The following SOX6 variants were observed in gnomAD, a reference collection of about 807,000 sequenced individuals.
SOX6 encodes the protein transcription factor SOX-6.
SOX6 carries 11 observed loss-of-function variants against 97.8 expected under a neutral mutation model. The ratio of observed to expected loss-of-function variants is 0.11; its 90% CI spans 0.07 to 0.19. The LOEUF (loss-of-function observed/expected upper bound fraction) is 0.19, where lower values mean the gene tolerates loss of function less well. Among genes scored for constraint, SOX6 ranks in the 10% least tolerant of loss-of-function variants. The pLI is 1.00. For missense variants in SOX6, 810 were observed against 1,039.5 expected (o/e 0.78, Z 3.04); for synonymous variants, 360 against 371.4 (o/e 0.97, Z 0.35).
At chr11:16,472,665 G>C (rs1860159057) in intron 1 of SOX6, among the ~76,000 whole-genome samples, 1 of 151,890 alleles carries the variant, frequency 6.6e-6, no homozygotes, top group East Asian at 1.9e-4. Flanking sequence ...TATTAAACAT[G>C]AACATCTATT....
chr11:16,536,966 C>T lies in SOX6; in HGVS notation n.610-60578G>A, dbSNP rs564201623. Among the ~76,000 whole-genome samples, 28 of 152,320 alleles carry T rather than the reference C, an allele frequency of 1.8e-4. 1 individual carries two copies. Among genetic ancestry groups the T allele is most frequent in the Admixed American group, 1.8e-3 (27 of 15,296 alleles). On this transcript the variant is annotated intron_variant and non_coding_transcript_variant, in intron 4 of 5. Transcript: ENST00000524520. The stretch of plus-strand genomic sequence containing the variant: ...GAGAGCACTGGTTCTCCCAGCACAG[C>T]GTTTGAGCTCTGAGAACAGACTGAC...
chr11:16,187,198 C>T (rs929950690), intron 4 of SOX6, among the ~76,000 whole-genome samples: 2 of 152,076 alleles, frequency 1.3e-5, no homozygotes, highest in African/African-American at 2.4e-5. Flanking sequence ...CTCACTCTCC[C>T]CTCTTGCTCT....
At chr11:16,350,777 T>G (rs1856923492) in intron 1 of SOX6, among the ~76,000 whole-genome samples, 1 of 152,160 alleles carries the variant, frequency 6.6e-6, no homozygotes. Flanking sequence ...AAAAACAAGT[T>G]AATTCTGTAT....
At chr11:16,524,192 C>T (rs570938507) in intron 4 of SOX6, among the ~76,000 whole-genome samples, 7,215 of 152,032 alleles carry the variant, frequency 0.047, 550 homozygotes, top group African/African-American at 0.16. Flanking sequence ...GAATTTTAGA[C>T]CAATATCCTT....
At chr11:16,267,282 C>T (rs1180980827) in intron 3 of SOX6, among the ~76,000 whole-genome samples, 2 of 151,344 alleles carry the variant, frequency 1.3e-5, no homozygotes, top group African/African-American at 2.4e-5. Flanking sequence ...AAAATATTTA[C>T]AAGCCATACA....
chr11:15,973,029 G>A lies in SOX6; in HGVS notation c.2267C>T (p.Pro756Leu). The change falls in exon 16 of 16, where the codon CCT (proline) becomes CTT (leucine). Residue 756 changes from proline to leucine, a missense_variant. Coordinates refer to ENST00000683767, the MANE Select transcript of SOX6 (RefSeq NM_001367873.1). ...AITMATTTPS[P>L]QMTSDCSSTS... ...GCTAGAGCAGTCAGATGTCATCTGA[G>A]GCGATGGTGTGGTAGTTGCCATAGT... The A allele has an allele frequency of 6.2e-7, 1 of 1,614,192 alleles. No individual in the cohort carries two copies. The highest frequency in any genetic ancestry group is 2.2e-5 in the East Asian group (1 of 44,886).
chr11:16,196,830 CTTT>C (rs34023402), intron 4 of SOX6, among the ~76,000 whole-genome samples: 46 of 63,478 alleles, frequency 7.2e-4, no homozygotes, highest in African/African-American at 2.6e-3. Flanking sequence ...TCTTCTTCTT[CTTT>C]TTTTTTTTTT....
intron 6 of SOX6, among the ~76,000 whole-genome samples, chr11:16,149,631 T>C (rs995806338): frequency 1.3e-5 from 2 of 152,126 alleles, no homozygotes; most frequent in Non-Finnish European, 2.9e-5. Context: ...ACTTCTTTGG[T>C]TGTTTTTTGA....
chr11:16,444,714 T>C (rs1255359842), intron 1 of SOX6, among the ~76,000 whole-genome samples: 2 of 152,170 alleles, frequency 1.3e-5, no homozygotes, highest in Admixed American at 6.5e-5. Context: ...GTGTGCACAA[T>C]TGGCTCCACT....
intron 4 of SOX6, among the ~76,000 whole-genome samples, chr11:16,525,182 T>A (rs1297844522): frequency 3.9e-5 from 6 of 152,284 alleles, no homozygotes; most frequent in East Asian, 1.9e-4. Context: ...AAGTCAATCC[T>A]AAGCCAAAAG....
intron 3 of SOX6, among the ~76,000 whole-genome samples, chr11:16,289,424 T>C (rs1202911929): frequency 1.3e-5 from 2 of 151,976 alleles, no homozygotes; most frequent in Non-Finnish European, 2.9e-5. Context: ...AGCTAAGGTT[T>C]TCAGCAGGCA....
chr11:16,063,341 T>C (rs749141229), intron 9 of SOX6, among the ~76,000 whole-genome samples: 14 of 150,758 alleles, frequency 9.3e-5, no homozygotes, highest in Non-Finnish European at 1.6e-4. Context: ...GTACACATAA[T>C]GGTCTATAGC....
chr11:16,271,872 C>T (rs1854271256), intron 3 of SOX6, among the ~76,000 whole-genome samples: 1 of 150,538 alleles, frequency 6.6e-6, no homozygotes, highest in Non-Finnish European at 1.5e-5. Flanking sequence ...TTATTTATTA[C>T]TTTGCTTTTT....
intron 12 of SOX6, among the ~76,000 whole-genome samples, chr11:16,027,461 T>C (rs1439046812): frequency 1.3e-5 from 2 of 152,202 alleles, no homozygotes; most frequent in African/African-American, 2.4e-5. Flanking sequence ...TTTTTACTGA[T>C]ACCTAATATT....
chr11:16,563,927 T>A (rs778719002), intron 4 of SOX6, among the ~76,000 whole-genome samples: 1 of 152,112 alleles, frequency 6.6e-6, no homozygotes, highest in Non-Finnish European at 1.5e-5. Flanking sequence ...TCAGAAACCA[T>A]AGAAGCCAGA....
intron 8 of SOX6, among the ~76,000 whole-genome samples, chr11:16,097,405 T>A (rs1848826715): frequency 6.6e-6 from 1 of 151,904 alleles, no homozygotes; most frequent in African/African-American, 2.4e-5. Context: ...TATTAAGTCC[T>A]AATGTGATCT....
At chr11:16,140,408 A>G (rs1850099302) in intron 6 of SOX6, among the ~76,000 whole-genome samples, 1 of 152,222 alleles carries the variant, frequency 6.6e-6, no homozygotes, top group Non-Finnish European at 1.5e-5. Context: ...GGGAGGCAGC[A>G]TTATATTGTA....
chr11:16,586,737 A>G (rs1287222876), intron 4 of SOX6, among the ~76,000 whole-genome samples: 1 of 152,154 alleles, frequency 6.6e-6, no homozygotes, highest in Non-Finnish European at 1.5e-5. Context: ...AAAGAAAAGG[A>G]AAAAAGATAA....
At chr11:16,327,760 A>C (rs1856146902) in intron 2 of SOX6, among the ~76,000 whole-genome samples, 2 of 152,132 alleles carry the variant, frequency 1.3e-5, no homozygotes, top group Non-Finnish European at 2.9e-5. Context: ...AGGAATTAAG[A>C]GTCAGAAAGC....
Sources: allele counts gnomAD v4.1 joint callset (sites outside exome capture counted in the v4.1 genomes callset), GRCh38; gene constraint gnomAD v4.1.1; transcripts MANE v1.5; gene names NCBI Gene and HGNC (gene_info 2026-07-23, HGNC 2026-07-21).